ING3: variants seen among roughly 807,000 people sequenced by gnomAD.
ING3 encodes the protein inhibitor of growth protein 3.
In ING3, 6 loss-of-function variants were observed where a neutral mutation model predicts 64.8. The observed-to-expected ratio is 0.09, with a 90% CI of 0.05 to 0.18. The LOEUF is 0.18. Ranked by LOEUF, ING3 falls within the 10% of genes least tolerant of loss-of-function variation. The pLI is 1.00. For missense variants in ING3, 310 were observed against 489.7 expected (o/e 0.63, Z 3.46); for synonymous variants, 170 against 173.7 (o/e 0.98, Z 0.17).
At chr7:120,974,144 T>C (rs1796105734) in intron 11 of ING3, among the ~76,000 whole-genome samples, 1 of 152,170 alleles carries the variant, frequency 6.6e-6, no homozygotes, top group Non-Finnish European at 1.5e-5. Context: ...TTTCTATGAG[T>C]ACCAGCATCA....
At position 120,967,622 on chromosome 7, in the gene ING3, C is replaced by T. The variant is rs779009828; in HGVS notation, c.530C>T (p.Ser177Leu). Residue 177 changes from serine to leucine, a missense_variant, in exon 7 of 12, where the codon TCA (serine) becomes TTA (leucine). Coordinates refer to ENST00000315870, the MANE Select transcript of ING3 (RefSeq NM_019071.3). Reference sequence around the variant, plus strand: ...GAAGCTCTTCTATCCACCCTTACGTCAGATGCCTCTAAGGAAAATACACTA... The same window carrying T: ...GAAGCTCTTCTATCCACCCTTACGTTAGATGCCTCTAAGGAAAATACACTA... ...KSEALLSTLT[S>L]DASKENTLGC... The T allele has an allele frequency of 1.9e-6, 3 of 1,605,646 alleles. No individual in the cohort carries two copies. The highest frequency in any genetic ancestry group is 1.7e-5 in the Admixed American group (1 of 58,780).
chr7:120,964,689 A>G (rs765934878), intron 4 of ING3, 53 bp from the exon 5 acceptor site: 10 of 1,417,426 alleles, frequency 7.1e-6, no homozygotes, highest in Non-Finnish European at 1.0e-5. Flanking sequence ...TTAAGCTGAC[A>G]CTTTAACAGT....
chr7:120,969,981 C>G (rs1454192990), intron 9 of ING3, among the ~76,000 whole-genome samples: 1 of 152,052 alleles, frequency 6.6e-6, no homozygotes, highest in South Asian at 2.1e-4. Flanking sequence ...TGATAAAGTT[C>G]TATACTTTTA....
At chr7:120,957,998 CTTCT>C (rs767882374) in intron 4 of ING3, among the ~76,000 whole-genome samples, 2 of 152,102 alleles carry the variant, frequency 1.3e-5, no homozygotes, top group East Asian at 3.9e-4. Flanking sequence ...GGATTTGCTC[CTTCT>C]TTAAGAACTC....
chr7:120,954,352 G>C (rs946794403), intron 3 of ING3, among the ~76,000 whole-genome samples: 58 of 152,140 alleles, frequency 3.8e-4, no homozygotes, highest in African/African-American at 1.3e-3. Context: ...CTTGAACCCA[G>C]GAGGTGGAGG....
At chr7:120,962,050 G>A (rs1584991206) in intron 4 of ING3, among the ~76,000 whole-genome samples, 1 of 152,174 alleles carries the variant, frequency 6.6e-6, no homozygotes, top group African/African-American at 2.4e-5. Context: ...AAGAGGTGCT[G>A]TAACCGTTCA....
chr7:120,951,305 T>C, intron 2 of ING3, 70 bp downstream of exon 2: 1 of 1,402,304 alleles, frequency 7.1e-7, no homozygotes, highest in Non-Finnish European at 1.0e-6. Context: ...TCATCACTGC[T>C]AGCGCCTAGT....
intron 9 of ING3, 63 bp from the exon 10 acceptor site, chr7:120,970,625 T>C: frequency 6.7e-7 from 1 of 1,499,458 alleles, no homozygotes; most frequent in Non-Finnish European, 9.2e-7. Flanking sequence ...ACTATTTATT[T>C]AGGAGTTATT....
At chr7:120,974,617 A>G in intron 11 of ING3, 111 bp from the exon 12 acceptor site, 1 of 566,782 alleles carries the variant, frequency 1.8e-6, no homozygotes, top group South Asian at 2.2e-5. Context: ...GATGTCACAC[A>G]TCTAATTATT....
At chr7:120,966,553 T>C in intron 5 of ING3, 73 bp from the exon 6 acceptor site, 1 of 1,111,842 alleles carries the variant, frequency 9.0e-7, no homozygotes, top group Non-Finnish European at 1.4e-6. Flanking sequence ...ACTCATTGCC[T>C]GTAGTTGAGT....
chr7:120,956,463 ACACCACATAT>A (rs139712326), intron 4 of ING3: 224,378 of 1,170,078 alleles, frequency 0.19, 22,746 homozygotes, highest in African/African-American at 0.2. Context: ...TAAAAGGTGA[ACACCACATAT>A]GGTGTGAATT....
intron 4 of ING3, among the ~76,000 whole-genome samples, chr7:120,961,884 T>C (rs1795938108): frequency 6.6e-6 from 1 of 152,226 alleles, no homozygotes; most frequent in Non-Finnish European, 1.5e-5. Context: ...AGCCCTGTTT[T>C]AGGAATCTGT....
chr7:120,966,384 C>A (rs2525722), intron 5 of ING3, among the ~76,000 whole-genome samples: 42,010 of 151,966 alleles, frequency 0.28, 7,098 homozygotes, highest in African/African-American at 0.46. Flanking sequence ...TGCCTTGAGC[C>A]ATTTTGTACT....
chr7:120,974,732 C>A lies in ING3; in HGVS notation c.1145C>A (p.Pro382His). ...EMVGCDNQDC[P>H]IEWFHYGCVG... Reference sequence around the variant, plus strand: ...TTTTGCAATTTTGCTTTCTAGTGCCCTATAGAATGGTTCCATTATGGCTGC... The same window carrying A: ...TTTTGCAATTTTGCTTTCTAGTGCCATATAGAATGGTTCCATTATGGCTGC... Residue 382 changes from proline (P) to histidine (H), a missense_variant, in exon 12 of 12, where the codon CCT becomes CAT. By Grantham distance (77) the Pro-to-His change is moderately conservative (BLOSUM62 -2). Transcript: ENST00000315870. 1.2e-6 allele frequency: 2 copies of A among 1,610,948 alleles called. No homozygotes were observed. Among genetic ancestry groups the A allele is most frequent in the South Asian group, 2.2e-5 (2 of 90,968 alleles).
At chr7:120,968,162 C>A in intron 8 of ING3, 71 bp downstream of exon 8, 1 of 1,336,860 alleles carries the variant, frequency 7.5e-7, no homozygotes, top group Non-Finnish European at 1.0e-6. Flanking sequence ...ATAGAAATAA[C>A]GGGATGTGAA....
chr7:120,955,953 T>G, intron 4 of ING3: 1 of 588,190 alleles, frequency 1.7e-6, no homozygotes, highest in Non-Finnish European at 3.0e-6. Flanking sequence ...TTTACTTGCC[T>G]TATACATCAT....
intron 4 of ING3, among the ~76,000 whole-genome samples, chr7:120,957,228 CGGGCCT>C (rs903253259): frequency 3.3e-5 from 5 of 151,998 alleles, no homozygotes; most frequent in Non-Finnish European, 5.9e-5. Flanking sequence ...AAATATTAGC[CGGGCCT>C]GGTGGCGGGT....
chr7:120,951,079 C>T lies in ING3; in HGVS notation c.29-85C>T. The T allele has an allele frequency of 2.6e-6, 4 of 1,543,858 alleles. No homozygotes were observed. The South Asian group carries it at 4.5e-5, about 17-fold the overall frequency. ...CCTCGTTGTGGGCTGCCGGCCCCCT[C>T]GACCCCCCTGACGCACGCGCGCAGT... On this transcript the variant is annotated intron_variant, in intron 1 of 11. Coordinates refer to ENST00000315870, the MANE Select transcript of ING3 (RefSeq NM_019071.3).
intron 10 of ING3, among the ~76,000 whole-genome samples, chr7:120,972,685 C>G (rs1796084257): frequency 6.6e-6 from 1 of 151,978 alleles, no homozygotes; most frequent in African/African-American, 2.4e-5. Flanking sequence ...TTAATCCTGT[C>G]TGAAAAATTA....
Sources: allele counts gnomAD v4.1 joint callset (sites outside exome capture counted in the v4.1 genomes callset), GRCh38; gene constraint gnomAD v4.1.1; transcripts MANE v1.5; gene names NCBI Gene and HGNC (gene_info 2026-07-23, HGNC 2026-07-21).